Variants in EXOC6B observed in about 807,000 individuals in gnomAD.
EXOC6B encodes exocyst complex component 6B.
Under a neutral mutation model 113.5 loss-of-function variants are expected in EXOC6B, and 54 were observed. The ratio of observed to expected loss-of-function variants is 0.48; its 90% CI spans 0.38 to 0.60. The LOEUF is 0.60. Ranked by LOEUF, EXOC6B falls within the 20% of genes least tolerant of loss-of-function variation. The pLI is 0.00. For synonymous variants in EXOC6B, 357 were observed against 339.0 expected (o/e 1.05, Z -0.58); for missense variants, 797 against 977.5 (o/e 0.82, Z 2.46).
chr2:72,793,936 G>A (rs1416773345), intron 1 of EXOC6B, among the ~76,000 whole-genome samples: 1 of 152,174 alleles, frequency 6.6e-6, no homozygotes, highest in Non-Finnish European at 1.5e-5. Flanking sequence ...AGAGTATGTT[G>A]AGAAAATAAC....
intron 1 of EXOC6B, among the ~76,000 whole-genome samples, chr2:72,823,976 G>A (rs1267561019): frequency 6.6e-6 from 1 of 152,164 alleles, no homozygotes; most frequent in Non-Finnish European, 1.5e-5. Context: ...AAGAGCTGAA[G>A]AAAATGGGAA....
Position 72,513,089 on chromosome 2 carries a change from T to A in EXOC6B, c.1167+43A>T, listed in dbSNP as rs747479638. Reference sequence around the variant, plus strand: ...AGCAGTAAAACACTGAATATATAGATAATCAGCTCTAAATAACAACTTCCC... The same window carrying A: ...AGCAGTAAAACACTGAATATATAGAAAATCAGCTCTAAATAACAACTTCCC... On this transcript the variant is annotated intron_variant, in intron 11 of 21. Coordinates refer to ENST00000272427, the MANE Select transcript of EXOC6B (RefSeq NM_015189.3). 4 of 1,605,808 alleles carry A rather than the reference T, an allele frequency of 2.5e-6. No individual in the cohort carries two copies. In the African/African-American group the frequency reaches 4.0e-5, roughly 16 times the overall value.
intron 11 of EXOC6B, among the ~76,000 whole-genome samples, chr2:72,508,184 A>AAAAAAAAAAAAAAAAAAAAAAAAAAC (rs923877882): frequency 3.4e-5 from 3 of 89,108 alleles, no homozygotes; most frequent in African/African-American, 6.7e-5. Context: ...AAAAAAAAAA[A>AAAAAAAAAAAAAAAAAAAAAAAAAAC]ACACCTAAAA....
At chr2:72,744,023 C>A (rs1244995018) in intron 1 of EXOC6B, among the ~76,000 whole-genome samples, 1 of 152,122 alleles carries the variant, frequency 6.6e-6, no homozygotes, top group Non-Finnish European at 1.5e-5. Context: ...CAACACATTA[C>A]CTTTTCTACA....
intron 6 of EXOC6B, among the ~76,000 whole-genome samples, chr2:72,709,320 C>T (rs1679111989): frequency 6.6e-6 from 1 of 152,108 alleles, no homozygotes; most frequent in Non-Finnish European, 1.5e-5. Context: ...AAAGCACTTG[C>T]TGAGAGCACA....
chr2:72,382,024 T>A (rs1691706137), intron 18 of EXOC6B, among the ~76,000 whole-genome samples: 1 of 152,176 alleles, frequency 6.6e-6, no homozygotes, highest in Non-Finnish European at 1.5e-5. Flanking sequence ...TATTTTCTGA[T>A]GGGCCACACT....
chr2:72,774,385 G>A (rs1683574459), intron 1 of EXOC6B, among the ~76,000 whole-genome samples: 1 of 152,084 alleles, frequency 6.6e-6, no homozygotes, highest in Admixed American at 6.5e-5. Flanking sequence ...CAGAATGGGT[G>A]AAATAAAAAA....
intron 6 of EXOC6B, among the ~76,000 whole-genome samples, chr2:72,588,236 C>T (rs769718033): frequency 6.6e-6 from 1 of 152,010 alleles, no homozygotes; most frequent in Non-Finnish European, 1.5e-5. Context: ...AGCACATGTC[C>T]GTTGCAGCAT....
intron 20 of EXOC6B, among the ~76,000 whole-genome samples, chr2:72,260,340 C>G (rs572839263): frequency 2.0e-5 from 3 of 152,260 alleles, no homozygotes; most frequent in Non-Finnish European, 2.9e-5. Context: ...TAAGAAAATA[C>G]GTAACCTACT....
chr2:72,652,870 G>A (rs1053626162), intron 6 of EXOC6B, among the ~76,000 whole-genome samples: 5 of 150,514 alleles, frequency 3.3e-5, no homozygotes, highest in African/African-American at 1.2e-4. Context: ...TTAGGACCAC[G>A]CATGGTGGCT....
chr2:72,401,018 T>C (rs992133756), intron 18 of EXOC6B, among the ~76,000 whole-genome samples: 37 of 151,884 alleles, frequency 2.4e-4, no homozygotes, highest in African/African-American at 8.5e-4. Flanking sequence ...CTATTCATAA[T>C]AGCAAAGATA....
intron 20 of EXOC6B, among the ~76,000 whole-genome samples, chr2:72,189,850 CCTT>C (rs1215015261): frequency 3.4e-5 from 4 of 117,264 alleles, no homozygotes; most frequent in South Asian, 2.3e-4. Context: ...CTCTCTTTCT[CCTT>C]CTTCTTCTTT....
chr2:72,470,716 T>C (rs1698351052), intron 17 of EXOC6B, among the ~76,000 whole-genome samples: 1 of 146,810 alleles, frequency 6.8e-6, no homozygotes, highest in Non-Finnish European at 1.5e-5. Flanking sequence ...GAACATGTGG[T>C]GTTTGGTTTT....
intron 1 of EXOC6B, among the ~76,000 whole-genome samples, chr2:72,809,958 A>C (rs953096653): frequency 3.9e-5 from 6 of 152,332 alleles, no homozygotes; most frequent in African/African-American, 1.4e-4. Context: ...ATTTTCAAGC[A>C]GCCACAGAAC....
chr2:72,647,949 G>C (rs1011922167), intron 6 of EXOC6B, among the ~76,000 whole-genome samples: 1 of 152,170 alleles, frequency 6.6e-6, no homozygotes, highest in Non-Finnish European at 1.5e-5. Context: ...TTAAACTAAA[G>C]AGCTTCTGCA....
intron 6 of EXOC6B, among the ~76,000 whole-genome samples, chr2:72,666,780 G>C (rs201001619): frequency 9.9e-5 from 8 of 81,154 alleles, no homozygotes; most frequent in South Asian, 9.8e-4. Flanking sequence ...ATTTACAATA[G>C]ACACACACAC....
At position 72,177,574 on chromosome 2, in the gene EXOC6B, C is replaced by A. The variant is rs1214260575; in HGVS notation, c.*1761G>T. ...TCTGAAACCCTGGCCAACCATCCAG[C>A]CCTCAGGATGAGCCTCAGCAGCATC... On this transcript the variant is annotated 3_prime_UTR_variant, in exon 22 of 22. Transcript: ENST00000272427. The A allele has an allele frequency of 6.6e-6, 1 of 152,218 alleles. No individual in the cohort carries two copies. Among genetic ancestry groups the A allele is most frequent in the African/African-American group, 2.4e-5 (1 of 41,446 alleles). The allele number at this position is 152,218 out of a possible 1,614,324, so 9.4% of individuals were successfully genotyped here.
At chr2:72,240,839 AG>A (rs1168659209) in intron 20 of EXOC6B, among the ~76,000 whole-genome samples, 2 of 152,266 alleles carry the variant, frequency 1.3e-5, no homozygotes, top group Non-Finnish European at 2.9e-5. Context: ...CTTACAACAA[AG>A]AAAAAGTGAA....
intron 20 of EXOC6B, among the ~76,000 whole-genome samples, chr2:72,231,549 G>A (rs1021325757): frequency 6.6e-6 from 1 of 151,954 alleles, no homozygotes; most frequent in Non-Finnish European, 1.5e-5. Context: ...TAAAAAATGG[G>A]CAAATAAACT....
Sources: gnomAD v4.1 joint callset for allele counts (sites outside exome capture counted in the v4.1 genomes callset) on GRCh38, gnomAD v4.1.1 for gene constraint, MANE v1.5 for transcripts, NCBI Gene and HGNC (gene_info 2026-07-23, HGNC 2026-07-21) for gene names.